Variants in PKHD1L1 observed in about 807,000 individuals in gnomAD.
PKHD1L1 encodes fibrocystin-L.
PKHD1L1 carries 434 observed loss-of-function variants against 462.9 expected under a neutral mutation model. The observed-to-expected ratio is 0.94, with a 90% CI of 0.87 to 1.02. The LOEUF is 1.02. Among genes scored for constraint, PKHD1L1 ranks in the 50% least tolerant of loss-of-function variants. PKHD1L1 has a pLI of 0.00. For missense variants in PKHD1L1, 5,202 were observed against 5,096.1 expected (o/e 1.02, Z -0.63); for synonymous variants, 1,781 against 1,750.0 (o/e 1.02, Z -0.44).
intron 35 of PKHD1L1, among the ~76,000 whole-genome samples, chr8:109,442,648 A>T (rs987971963): frequency 2.0e-5 from 3 of 152,054 alleles, no homozygotes; most frequent in Admixed American, 6.6e-5. Flanking sequence ...ACGAAAAAAA[A>T]ATTTTCTTTC....
chr8:109,475,773 A>C (rs192931149), intron 51 of PKHD1L1, among the ~76,000 whole-genome samples: 1,693 of 149,820 alleles, frequency 0.011, 24 homozygotes, highest in African/African-American at 0.04. Context: ...GCTTGAACCC[A>C]AGAGGCAGAG....
At chr8:109,462,370 A>G (rs1817185220) in intron 48 of PKHD1L1, among the ~76,000 whole-genome samples, 1 of 152,066 alleles carries the variant, frequency 6.6e-6, no homozygotes, top group Non-Finnish European at 1.5e-5. Flanking sequence ...ACGTAAAACA[A>G]CAGGTCCAAG....
intron 2 of PKHD1L1, among the ~76,000 whole-genome samples, chr8:109,376,341 C>T (rs990193977): frequency 5.4e-4 from 82 of 152,322 alleles, no homozygotes; most frequent in African/African-American, 1.7e-3. Context: ...TTGTTAAGCC[C>T]GTTGGCAAAG....
intron 43 of PKHD1L1, 71 bp downstream of exon 43, chr8:109,452,945 T>C: frequency 5.0e-6 from 6 of 1,210,444 alleles, no homozygotes; most frequent in Non-Finnish European, 6.4e-6. Flanking sequence ...TTAATCAAAA[T>C]CCACAATTAT....
intron 34 of PKHD1L1, among the ~76,000 whole-genome samples, chr8:109,441,745 T>C (rs1409361914): frequency 6.6e-6 from 1 of 152,160 alleles, no homozygotes; most frequent in Middle Eastern, 3.2e-3. Flanking sequence ...AACTATTTAT[T>C]GACTTTCCAA....
rs1814347546 is a variant in PKHD1L1, at chr8:109,419,314, A to C, written c.2524+54A>C. The C allele has an allele frequency of 7.2e-6, 10 of 1,393,134 alleles. No individual in the cohort carries two copies. The East Asian group carries it at 1.0e-4, about 14-fold the overall frequency. 86.3% of individuals were successfully genotyped at this position (1,393,134 alleles called of 1,614,324 possible). On this transcript the variant is annotated intron_variant, in intron 22 of 77. Coordinates refer to ENST00000378402, the MANE Select transcript of PKHD1L1 (RefSeq NM_177531.6). Reference sequence around the variant, plus strand: ...AATCTAAATATAGTAAAATCTTACCATGGAAATTATTTTTATATTCTGCAG... The same window carrying C: ...AATCTAAATATAGTAAAATCTTACCCTGGAAATTATTTTTATATTCTGCAG...
At chr8:109,419,525 C>T (rs1422742352) in intron 22 of PKHD1L1, among the ~76,000 whole-genome samples, 1 of 152,010 alleles carries the variant, frequency 6.6e-6, no homozygotes, top group African/African-American at 2.4e-5. Flanking sequence ...TGGATAAATA[C>T]ACTATGTCAA....
chr8:109,376,510 C>T (rs1306408970), intron 2 of PKHD1L1, among the ~76,000 whole-genome samples: 1 of 152,116 alleles, frequency 6.6e-6, no homozygotes, highest in Non-Finnish European at 1.5e-5. Flanking sequence ...CACTGTCCTG[C>T]ACCCACTGTC....
intron 68 of PKHD1L1, among the ~76,000 whole-genome samples, chr8:109,504,749 G>A (rs1239397866): frequency 6.6e-6 from 1 of 152,054 alleles, no homozygotes; most frequent in East Asian, 1.9e-4. Context: ...CATCATCATT[G>A]TTAAATATGA....
At chr8:109,471,886 G>T (rs1275703878) in intron 50 of PKHD1L1, among the ~76,000 whole-genome samples, 1 of 151,988 alleles carries the variant, frequency 6.6e-6, no homozygotes, top group East Asian at 1.9e-4. Context: ...TGACACTATG[G>T]TTTGTTGCCT....
Position 109,405,032 on chromosome 8 carries a change from T to C in PKHD1L1, c.1571T>C (p.Ile524Thr), listed in dbSNP as rs1563742649. The change falls in exon 16 of 78, where the codon ATT becomes ACT. Residue 524 changes from isoleucine to threonine, a missense_variant. Transcript: ENST00000378402. ...GAAAACTGGGAAACAACTAATGCAA[T>C]TAATGAGGTTCAGAAGATCAAGGTA... Reference protein sequence around the residue: ...TLENWETTNAINEVQKIKVTS... With the variant: ...TLENWETTNATNEVQKIKVTS... 4 of 1,529,956 alleles carry C rather than the reference T, an allele frequency of 2.6e-6. No individual in the cohort carries two copies. Among genetic ancestry groups the C allele is most frequent in the Admixed American group, 2.0e-5 (1 of 49,786 alleles). The allele number at this position is 1,529,956 out of a possible 1,614,324, so 94.8% of individuals were successfully genotyped here.
chr8:109,404,866 C>G, intron 15 of PKHD1L1, 129 bp from the exon 16 acceptor site: 1 of 1,113,790 alleles, frequency 9.0e-7, no homozygotes, highest in African/African-American at 1.6e-5. Context: ...GTACGATAAG[C>G]CAAAAAGGCT....
intron 59 of PKHD1L1, among the ~76,000 whole-genome samples, chr8:109,488,888 GAACA>G (rs10581194): frequency 0.33 from 50,521 of 151,542 alleles, 8,799 homozygotes; most frequent in South Asian, 0.52. Context: ...TTTTAAAGAT[GAACA>G]AACAGATGAT....
At chr8:109,475,375 C>G in intron 51 of PKHD1L1, 106 bp downstream of exon 51, 1 of 943,952 alleles carries the variant, frequency 1.1e-6, no homozygotes, top group South Asian at 2.1e-5. Flanking sequence ...ACTTTCATCA[C>G]AAATTGAGCT....
chr8:109,398,400 G>T, intron 11 of PKHD1L1, 59 bp from the exon 12 acceptor site: 1 of 1,062,816 alleles, frequency 9.4e-7, no homozygotes, highest in Non-Finnish European at 1.4e-6. Context: ...AAGATACACT[G>T]ATGTGATTTG....
intron 32 of PKHD1L1, 33 bp from the exon 33 acceptor site, chr8:109,440,677 C>T (rs201705455): frequency 3.7e-5 from 58 of 1,587,146 alleles, no homozygotes; most frequent in Middle Eastern, 1.7e-4. Context: ...CAGTAGGAAG[C>T]TCATTGAAAA....
At chr8:109,475,382 A>G (rs1817928871) in intron 51 of PKHD1L1, 113 bp downstream of exon 51, 4 of 909,090 alleles carry the variant, frequency 4.4e-6, no homozygotes, top group Non-Finnish European at 6.3e-6. Context: ...TCACAAATTG[A>G]GCTATTGAAA....
intron 72 of PKHD1L1, among the ~76,000 whole-genome samples, chr8:109,515,566 G>T (rs1019678672): frequency 6.6e-6 from 1 of 152,046 alleles, no homozygotes; most frequent in African/African-American, 2.4e-5. Context: ...TGCTTCCTAA[G>T]AATGTTTTCA....
rs140223433 is a variant in PKHD1L1, at chr8:109,368,182, A to G, written c.163+3546A>G. Among the ~76,000 whole-genome samples the G allele has an allele frequency of 8.1e-3, 1,230 of 152,314 alleles. 6 individuals are homozygous for G. The highest frequency in any genetic ancestry group is 0.011 in the Non-Finnish European group (766 of 68,032). On this transcript the variant is annotated intron_variant, in intron 2 of 77. Transcript: ENST00000378402. ...TTGGTTTTTATTTTAAAAAATCAGT[A>G]AGATGGGAGAAATAACATTTTACTT... is the stretch of plus-strand genomic sequence containing the variant.
Sources: gnomAD v4.1 joint callset for allele counts (sites outside exome capture counted in the v4.1 genomes callset) on GRCh38, gnomAD v4.1.1 for gene constraint, MANE v1.5 for transcripts, NCBI Gene and HGNC (gene_info 2026-07-23, HGNC 2026-07-21) for gene names.